The following TLN2 variants were observed in gnomAD, a reference collection of about 807,000 sequenced individuals.
TLN2 encodes the protein talin-2.
A neutral mutation model predicts 294.7 loss-of-function variants in TLN2; 118 were observed. That is an observed-to-expected ratio of 0.40 (90% CI 0.34 to 0.47). The LOEUF (loss-of-function observed/expected upper bound fraction) is 0.47. TLN2 is among the 20% of genes least tolerant of loss of function. The pLI is 0.84. For synonymous variants in TLN2, 1,431 were observed against 1,304.5 expected (o/e 1.10, Z -2.09); for missense variants, 3,083 against 3,282.2 (o/e 0.94, Z 1.48).
intron 1 of TLN2, among the ~76,000 whole-genome samples, chr15:62,548,116 G>A (rs2042095906): frequency 6.6e-6 from 1 of 152,120 alleles, no homozygotes; most frequent in Admixed American, 6.6e-5. Context: ...AACTAATATC[G>A]ATAATGAGAC....
At chr15:62,796,050 C>T (rs1308725329) in intron 46 of TLN2, 77 bp from the exon 47 acceptor site, 5 of 1,540,296 alleles carry the variant, frequency 3.2e-6, no homozygotes, top group Non-Finnish European at 4.4e-6. Flanking sequence ...GGAGAGAATT[C>T]ATTATTTTCA....
chr15:62,706,376 T>G (rs1238517871), intron 19 of TLN2, among the ~76,000 whole-genome samples: 1 of 152,262 alleles, frequency 6.6e-6, no homozygotes, highest in Non-Finnish European at 1.5e-5. Context: ...ATAAACTAGC[T>G]CCTCGCATTT....
intron 8 of TLN2, among the ~76,000 whole-genome samples, chr15:62,656,348 G>A (rs1347157627): frequency 6.6e-6 from 1 of 152,102 alleles, no homozygotes; most frequent in African/African-American, 2.4e-5. Context: ...CCTCTCTGCC[G>A]GGCTTTGAGG....
intron 1 of TLN2, among the ~76,000 whole-genome samples, chr15:62,472,036 A>G (rs2037505024): frequency 6.6e-6 from 1 of 152,142 alleles, no homozygotes; most frequent in Non-Finnish European, 1.5e-5. Context: ...ACCTTGGGAT[A>G]GGAGGCCCGT....
chr15:62,686,412 A>AG (rs2057293364), intron 11 of TLN2, among the ~76,000 whole-genome samples: 1 of 152,034 alleles, frequency 6.6e-6, no homozygotes, highest in Non-Finnish European at 1.5e-5. Context: ...TCTCCTGAAC[A>AG]GGGGGCATGA....
At chr15:62,694,573 G>A (rs991464423) in intron 14 of TLN2, among the ~76,000 whole-genome samples, 181 bp downstream of exon 14, 3 of 152,198 alleles carry the variant, frequency 2.0e-5, no homozygotes, top group African/African-American at 4.8e-5. Context: ...CAGACGTCTC[G>A]TGAGGGAGGC....
At chr15:62,412,426 C>G (rs930944305) in intron 1 of TLN2, among the ~76,000 whole-genome samples, 9 of 152,206 alleles carry the variant, frequency 5.9e-5, no homozygotes, top group African/African-American at 2.2e-4. Flanking sequence ...TTCATCATCT[C>G]TGATGGCAGG....
intron 2 of TLN2, among the ~76,000 whole-genome samples, chr15:62,593,982 A>G (rs1416826452): frequency 1.3e-5 from 2 of 152,224 alleles, no homozygotes; most frequent in Non-Finnish European, 2.9e-5. Context: ...GGATAAAAAT[A>G]AGAAACATCT....
At chr15:62,675,514 G>A (rs1394205832) in intron 11 of TLN2, among the ~76,000 whole-genome samples, 193 bp downstream of exon 11, 2 of 152,202 alleles carry the variant, frequency 1.3e-5, no homozygotes, top group African/African-American at 4.8e-5. Context: ...GTGAGTGAGC[G>A]CTGCTGTCCA....
At chr15:62,392,260 GTC>G (rs1465215842) in intron 1 of TLN2, among the ~76,000 whole-genome samples, 2 of 152,218 alleles carry the variant, frequency 1.3e-5, no homozygotes, top group Non-Finnish European at 2.9e-5. Flanking sequence ...GAATTCCTGT[GTC>G]TCATAGTGAA....
At chr15:62,604,903 C>T (rs566830773) in intron 2 of TLN2, among the ~76,000 whole-genome samples, 27 of 152,206 alleles carry the variant, frequency 1.8e-4, no homozygotes, top group Admixed American at 1.8e-3. Context: ...CCTCCTCCTC[C>T]TCCTCCTCCT....
chr15:62,393,886 T>C (rs1013525522), intron 1 of TLN2, among the ~76,000 whole-genome samples: 1 of 151,060 alleles, frequency 6.6e-6, no homozygotes, highest in Non-Finnish European at 1.5e-5. Flanking sequence ...TCTTGCTCTG[T>C]CACCTCAGCC....
At chr15:62,429,589 TAG>T (rs138017616) in intron 1 of TLN2, among the ~76,000 whole-genome samples, 11 of 152,236 alleles carry the variant, frequency 7.2e-5, no homozygotes, top group African/African-American at 2.6e-4. Context: ...TTGGAGAAGC[TAG>T]AGAGAGGAAG....
Position 62,462,050 on chromosome 15 carries a change from G to A in TLN2, c.-238+71365G>A, listed in dbSNP as rs892860528. On this transcript the variant is annotated intron_variant, in intron 1 of 58. Coordinates refer to ENST00000636159, the MANE Select transcript of TLN2 (RefSeq NM_015059.3). ...AGCCTGGCCGATATGGTGAAACCCC[G>A]TCTCTACTAAAAATACAAAATACAA... Among the ~76,000 whole-genome samples, 30 of 152,046 alleles carry A rather than the reference G, an allele frequency of 2.0e-4. 1 individual carries two copies. Among genetic ancestry groups the A allele is most frequent in the Admixed American group, 1.8e-3 (28 of 15,262 alleles).
intron 57 of TLN2, 186 bp downstream of exon 57, chr15:62,836,259 TCTC>T (rs2069554577): frequency 1.2e-6 from 1 of 862,842 alleles, no homozygotes; most frequent in African/African-American, 1.7e-5. Flanking sequence ...ACGCTGCCAT[TCTC>T]CTCGTGTGCC....
At chr15:62,638,270 A>G (rs1317608993) in intron 3 of TLN2, 15 of 325,628 alleles carry the variant, frequency 4.6e-5, no homozygotes, top group Non-Finnish European at 8.4e-5. Flanking sequence ...TTAATTAGGC[A>G]TCATCTTTAA....
chr15:62,661,042 G>T (rs2053762537), intron 9 of TLN2, among the ~76,000 whole-genome samples: 1 of 152,176 alleles, frequency 6.6e-6, no homozygotes, highest in African/African-American at 2.4e-5. Context: ...AATTGACAAA[G>T]TAGAAGGTCA....
intron 1 of TLN2, among the ~76,000 whole-genome samples, chr15:62,403,819 C>T (rs1054191276): frequency 2.1e-4 from 32 of 152,172 alleles, no homozygotes; most frequent in Admixed American, 1.3e-4. Context: ...GAGGTCACGC[C>T]GGCATCCCCT....
intron 1 of TLN2, among the ~76,000 whole-genome samples, chr15:62,406,886 A>G (rs566255575): frequency 2.0e-5 from 3 of 152,112 alleles, no homozygotes; most frequent in Non-Finnish European, 4.4e-5. Flanking sequence ...TTTCAACTTG[A>G]TTCTCTCTGT....
Sources: gnomAD v4.1 joint callset for allele counts (sites outside exome capture counted in the v4.1 genomes callset) on GRCh38, gnomAD v4.1.1 for gene constraint, MANE v1.5 for transcripts, NCBI Gene and HGNC (gene_info 2026-07-23, HGNC 2026-07-21) for gene names.